DENND4A: variants seen among roughly 807,000 people sequenced by gnomAD.
DENND4A encodes C-myc promoter-binding protein.
A neutral mutation model predicts 199.3 loss-of-function variants in DENND4A; 70 were observed. That is an observed-to-expected ratio of 0.35 (90% CI 0.29 to 0.43). The LOEUF (loss-of-function observed/expected upper bound fraction) is 0.43, where lower values mean the gene tolerates loss of function less well. Among genes scored for constraint, DENND4A ranks in the 20% least tolerant of loss-of-function variants. The probability of loss-of-function intolerance (pLI) is 1.00; values close to 1 mark genes in which losing one functional copy is unlikely to be tolerated. For missense variants in DENND4A, 1,723 were observed against 2,255.8 expected (o/e 0.76, Z 4.78); for synonymous variants, 686 against 766.9 (o/e 0.89, Z 1.74).
Position 65,718,011 on chromosome 15 carries a change from A to G in DENND4A, c.1589-15T>C. 6.5e-7 allele frequency: 1 copy of G among 1,545,350 alleles called. No individual in the cohort carries two copies. The highest frequency in any genetic ancestry group is 8.8e-7 in the Non-Finnish European group (1 of 1,142,032). ...TCTCTGCTGCACTGTGAAGACATAC[A>G]GTGTTAGTGTTTTCTCCAAACTCAC... On this transcript the variant is annotated splice_polypyrimidine_tract_variant and intron_variant, in intron 12 of 32. Coordinates refer to ENST00000443035, the MANE Select transcript of DENND4A (RefSeq NM_001320835.1).
At chr15:65,783,552 G>A (rs2077489228) in intron 1 of DENND4A, among the ~76,000 whole-genome samples, 1 of 152,130 alleles carries the variant, frequency 6.6e-6, no homozygotes, top group South Asian at 2.1e-4. Context: ...CCAGATCTTG[G>A]TTTCTAACAT....
chr15:65,771,567 C>A, intron 1 of DENND4A: 2 of 1,612,666 alleles, frequency 1.2e-6, no homozygotes, highest in Non-Finnish European at 1.7e-6. Flanking sequence ...TGGATAAACA[C>A]AGAAAAACCT....
intron 1 of DENND4A, among the ~76,000 whole-genome samples, chr15:65,770,730 T>C (rs2077104929): frequency 6.6e-6 from 1 of 152,148 alleles, no homozygotes; most frequent in Non-Finnish European, 1.5e-5. Flanking sequence ...CGTAAATGTG[T>C]CATATAACAT....
chr15:65,664,745 A>G lies in DENND4A; in HGVS notation c.5360-23T>C, dbSNP rs970842106. On this transcript the variant is annotated intron_variant, in intron 30 of 32. Coordinates refer to ENST00000443035, the MANE Select transcript of DENND4A (RefSeq NM_001320835.1). ...GGGCTGTAAACGAACAAAAGAACAG[A>G]TGAAGGAAAATGTTCTGTGTAGAAA... The G allele has an allele frequency of 3.1e-6, 5 of 1,593,190 alleles. No individual in the cohort carries two copies. The African/African-American group carries it at 5.4e-5, about 17-fold the overall frequency.
Position 65,690,458 on chromosome 15 carries a change from C to A in DENND4A, c.4136G>T (p.Ser1379Ile). ...TAGKGVAEKA[S>I]KWYSRFTMYT... ...CATGGTGAATCTTGAATACCATTTG[C>A]TTGCTTTCTCTGCAACTCCTTTTCC... Residue 1379 changes from serine (S) to isoleucine (I), a missense_variant, in exon 23 of 33, where the codon AGC becomes ATC. Around this residue, in one of 6 missense-constraint regions of DENND4A, gnomAD observed 650 missense variants for 738.1 expected, o/e 0.88. Coordinates refer to ENST00000443035, the MANE Select transcript of DENND4A (RefSeq NM_001320835.1). 1 of 1,604,368 alleles carries A rather than the reference C, an allele frequency of 6.2e-7. No homozygotes were observed. Among genetic ancestry groups the A allele is most frequent in the Non-Finnish European group, 8.5e-7 (1 of 1,175,234 alleles).
intron 32 of DENND4A, 129 bp from the exon 33 acceptor site, chr15:65,662,116 AT>A: frequency 1.3e-6 from 1 of 775,958 alleles, no homozygotes; most frequent in Middle Eastern, 3.2e-4. Flanking sequence ...ACATTTCTTT[AT>A]CCAAAGGACC....
chr15:65,771,373 T>C (rs1351926064), intron 1 of DENND4A: 1 of 1,585,714 alleles, frequency 6.3e-7, no homozygotes, highest in African/African-American at 1.3e-5. Context: ...CTGCCTTTTG[T>C]AATAACATTC....
At chr15:65,690,313 T>A in intron 23 of DENND4A, 102 bp downstream of exon 23, 1 of 1,269,408 alleles carries the variant, frequency 7.9e-7, no homozygotes, top group Non-Finnish European at 1.0e-6. Context: ...GTCCTTTTTA[T>A]AAAGCTATGT....
At chr15:65,775,637 C>CA (rs59714693) in intron 1 of DENND4A, among the ~76,000 whole-genome samples, 528 of 27,656 alleles carry the variant, frequency 0.019, 105 homozygotes, top group African/African-American at 0.04. Context: ...CAAGACTCCT[C>CA]AAAAAAAAAA....
At chr15:65,662,355 T>G (rs1427866436) in intron 32 of DENND4A, among the ~76,000 whole-genome samples, 1 of 152,240 alleles carries the variant, frequency 6.6e-6, no homozygotes, top group African/African-American at 2.4e-5. Flanking sequence ...TATGGTTTCA[T>G]TTTTTAAATT....
intron 1 of DENND4A, among the ~76,000 whole-genome samples, chr15:65,772,526 G>A (rs1468696578): frequency 1.3e-5 from 2 of 151,728 alleles, no homozygotes; most frequent in Admixed American, 1.3e-4. Flanking sequence ...GACCAATATG[G>A]TGAAACCCTG....
intron 1 of DENND4A, chr15:65,771,514 G>A: frequency 6.2e-7 from 1 of 1,611,456 alleles, no homozygotes; most frequent in South Asian, 1.1e-5. Context: ...CCATCAACTG[G>A]CTTAATAATG....
chr15:65,755,830 T>G (rs1309654249), intron 3 of DENND4A, among the ~76,000 whole-genome samples: 2 of 152,136 alleles, frequency 1.3e-5, no homozygotes, highest in African/African-American at 4.8e-5. Context: ...TTTTCGTACT[T>G]TAAAAATAAT....
At chr15:65,786,665 T>G (rs1255784125) in intron 1 of DENND4A, among the ~76,000 whole-genome samples, 4 of 152,172 alleles carry the variant, frequency 2.6e-5, no homozygotes, top group Admixed American at 2.6e-4. Context: ...CATCCCTATG[T>G]GATAGATGAG....
intron 4 of DENND4A, among the ~76,000 whole-genome samples, chr15:65,747,413 T>TATC (rs990089003): frequency 6.6e-6 from 1 of 152,200 alleles, no homozygotes; most frequent in Non-Finnish European, 1.5e-5. Flanking sequence ...TAGATGCTAT[T>TATC]ATCATCCTCA....
intron 9 of DENND4A, among the ~76,000 whole-genome samples, chr15:65,730,090 A>G (rs2075915715): frequency 6.6e-6 from 1 of 152,194 alleles, no homozygotes; most frequent in Non-Finnish European, 1.5e-5. Flanking sequence ...TAATTATCAG[A>G]AAAACCATAT....
intron 1 of DENND4A, among the ~76,000 whole-genome samples, chr15:65,773,954 G>A (rs2077210289): frequency 6.6e-6 from 1 of 152,202 alleles, no homozygotes; most frequent in Non-Finnish European, 1.5e-5. Flanking sequence ...AGAAGTAAAG[G>A]TGTTAATCAA....
At chr15:65,693,761 T>C (rs190009220) in intron 22 of DENND4A, among the ~76,000 whole-genome samples, 2 of 152,146 alleles carry the variant, frequency 1.3e-5, no homozygotes, top group Non-Finnish European at 2.9e-5. Flanking sequence ...CTTACTGTCC[T>C]TTTTCATAGT....
chr15:65,694,804 A>G (rs1488892730), intron 22 of DENND4A, among the ~76,000 whole-genome samples: 1 of 152,196 alleles, frequency 6.6e-6, no homozygotes, highest in Non-Finnish European at 1.5e-5. Flanking sequence ...CACCAAAGAA[A>G]TCTACTCTAC....
Sources: gnomAD v4.1 joint callset for allele counts (sites outside exome capture counted in the v4.1 genomes callset) on GRCh38, gnomAD v4.1.1 for gene constraint, gnomAD v4.1.1 regional missense constraint, MANE v1.5 for transcripts, NCBI Gene and HGNC (gene_info 2026-07-23, HGNC 2026-07-21) for gene names.